SNRPN: variants seen among roughly 807,000 people sequenced by gnomAD.
The protein encoded by SNRPN is small nuclear ribonucleoprotein polypeptide N.
Under a neutral mutation model 25.2 loss-of-function variants are expected in SNRPN, and 7 were observed. That is an observed-to-expected ratio of 0.28 (90% CI 0.16 to 0.52). The LOEUF (loss-of-function observed/expected upper bound fraction) is 0.52. Among genes scored for constraint, SNRPN ranks in the 20% least tolerant of loss-of-function variants. The pLI is 0.96. For synonymous variants in SNRPN, 124 were observed against 110.6 expected (o/e 1.12, Z -0.76); for missense variants, 196 against 322.5 (o/e 0.61, Z 3.00).
chr15:24,861,978 A>T (rs998357887), intron 1 of SNRPN, among the ~76,000 whole-genome samples: 2 of 145,112 alleles, frequency 1.4e-5, no homozygotes, highest in African/African-American at 2.8e-5. Flanking sequence ...AACATTTCTT[A>T]AAAAAGAGGC....
upstream of SNRPN, among the ~76,000 whole-genome samples, chr15:24,852,642 C>T (rs565646273): frequency 1.8e-4 from 28 of 152,236 alleles, no homozygotes; most frequent in Non-Finnish European, 2.6e-4. Context: ...TAGGGCTGGA[C>T]GCAGTGGCTT....
intron 1 of SNRPN, among the ~76,000 whole-genome samples, chr15:24,865,118 C>G (rs187965270): frequency 2.5e-4 from 37 of 150,142 alleles, no homozygotes; most frequent in South Asian, 4.2e-4. Context: ...ACCATCGTGG[C>G]TCACTGCAAC....
At chr15:24,864,447 G>A (rs1388570006) in intron 1 of SNRPN, among the ~76,000 whole-genome samples, 9 of 137,086 alleles carry the variant, frequency 6.6e-5, no homozygotes, top group African/African-American at 8.2e-5. Flanking sequence ...GGGTTCAAGC[G>A]ATTCTCCTGC....
intron 3 of SNRPN, chr15:24,968,290 C>T (rs973314333): frequency 1.0e-5 from 4 of 397,768 alleles, no homozygotes; most frequent in Admixed American, 4.1e-5. Flanking sequence ...GTTATTGTAG[C>T]GCATGCTTTT....
chr15:24,963,522 G>A (rs895508881), intron 2 of SNRPN, among the ~76,000 whole-genome samples: 1 of 151,952 alleles, frequency 6.6e-6, no homozygotes, highest in Non-Finnish European at 1.5e-5. Flanking sequence ...GGCTGAGGCA[G>A]GAGAATTGTT....
At chr15:24,840,106 C>T (rs971061348) in intron 2 of SNRPN, among the ~76,000 whole-genome samples, 33 of 152,116 alleles carry the variant, frequency 2.2e-4, no homozygotes, top group Non-Finnish European at 4.0e-4. Flanking sequence ...GCCTGTAATC[C>T]CAGCAGTTTG....
chr15:24,870,098 T>C (rs1017830881), intron 1 of SNRPN, among the ~76,000 whole-genome samples: 3 of 152,190 alleles, frequency 2.0e-5, no homozygotes, highest in Non-Finnish European at 4.4e-5. Context: ...GGTTAGATTT[T>C]GCTTGTTTGG....
intron 1 of SNRPN, among the ~76,000 whole-genome samples, chr15:24,877,777 G>A (rs1168436853): frequency 1.3e-5 from 2 of 152,182 alleles, no homozygotes; most frequent in African/African-American, 4.8e-5. Context: ...GCTTGAACCC[G>A]GGAGGAGGAT....
chr15:24,876,283 T>C (rs1200164473), intron 1 of SNRPN, among the ~76,000 whole-genome samples: 2 of 151,928 alleles, frequency 1.3e-5, no homozygotes, highest in African/African-American at 4.8e-5. Flanking sequence ...AAAGCACAAG[T>C]CAAGCAGACG....
chr15:24,858,132 A>G (rs989740425), intron 1 of SNRPN, among the ~76,000 whole-genome samples: 1 of 152,162 alleles, frequency 6.6e-6, no homozygotes, highest in Non-Finnish European at 1.5e-5. Flanking sequence ...GGCAGTTTAG[A>G]GTCCTGCAGT....
chr15:24,888,753 A>G (rs1029140608), intron 2 of SNRPN, among the ~76,000 whole-genome samples: 2 of 152,140 alleles, frequency 1.3e-5, no homozygotes, highest in Admixed American at 6.6e-5. Context: ...GCCTGGCACA[A>G]TTAACCTAGT....
At chr15:24,874,193 C>G (rs936080932) in intron 1 of SNRPN, among the ~76,000 whole-genome samples, 1 of 151,014 alleles carries the variant, frequency 6.6e-6, no homozygotes, top group African/African-American at 2.4e-5. Context: ...GCCTGTAGTC[C>G]CAGCTACTTG....
chr15:24,888,111 A>AATTTTTT, intron 2 of SNRPN, among the ~76,000 whole-genome samples: 1 of 121,520 alleles, frequency 8.2e-6, no homozygotes, highest in African/African-American at 2.8e-5. Flanking sequence ...ATTAGAAATG[A>AATTTTTT]CTTTTTTTTT....
chr15:24,890,686 A>C (rs1246605450), intron 2 of SNRPN, among the ~76,000 whole-genome samples: 1 of 152,166 alleles, frequency 6.6e-6, no homozygotes, highest in Non-Finnish European at 1.5e-5. Flanking sequence ...CTCAAAAAAC[A>C]AAAACAAAAA....
rs994072177 is a variant in SNRPN, at chr15:24,883,434, G to T, written c.-578-3082G>T. On this transcript the variant is annotated intron_variant, in intron 1 of 11. Transcript: ENST00000400097. ...GGGGCTGAAGCTGGGCACACCCACT[G>T]GGTGGCTCAGGGCCAGTTTTATAAT... is the stretch of plus-strand genomic sequence containing the variant. Among the ~76,000 whole-genome samples the T allele has an allele frequency of 2.6e-5, 4 of 151,678 alleles. No homozygotes were observed. In the South Asian group the frequency reaches 8.4e-4, roughly 32 times the overall value.
chr15:24,977,042 C>A lies in SNRPN; in HGVS notation c.420+13C>A. ...ACCATCCCAGCAGGTGAGGAACCAG[C>A]AGAGGGTTTTATATTATTGGGAGAA... On this transcript the variant is annotated intron_variant, in intron 7 of 9. Transcript: ENST00000390687. 1 of 1,549,384 alleles carries A rather than the reference C, an allele frequency of 6.5e-7. No individual in the cohort carries two copies. The highest frequency in any genetic ancestry group is 8.7e-7 in the Non-Finnish European group (1 of 1,152,104).
rs541334217 is a variant in SNRPN at position 24,966,863 on chromosome 15, T to C, written c.-294-1069T>C. Among the ~76,000 whole-genome samples the C allele has an allele frequency of 2.0e-5, 3 of 152,308 alleles. No individual in the cohort carries two copies. In the East Asian group the frequency reaches 5.8e-4, roughly 29 times the overall value. Reference sequence around the variant, plus strand: ...CCCAGCTCCTCACCTCAAGGCAAGCTGTCATTTCCTGTATGTCTTCCTTCT... The same window carrying C: ...CCCAGCTCCTCACCTCAAGGCAAGCCGTCATTTCCTGTATGTCTTCCTTCT... On this transcript the variant is annotated intron_variant, in intron 2 of 9. Coordinates refer to ENST00000390687, the MANE Select transcript of SNRPN (RefSeq NM_003097.6).
Position 24,858,057 on chromosome 15 carries a change from T to C in SNRPN, c.-579+1341T>C, listed in dbSNP as rs545403231. 5.9e-5 allele frequency among the ~76,000 whole-genome samples: 9 copies of C among 152,242 alleles called. 1 individual carries two copies. The South Asian group carries it at 1.9e-3, about 32-fold the overall frequency. The stretch of plus-strand genomic sequence containing the variant: ...GATCCATCGGGAGCAGGGCCTGCAA[T>C]AGATCTCAAGCACTGACTGAGCTTA... On this transcript the variant is annotated intron_variant, in intron 1 of 11. Transcript: ENST00000400097.
At chr15:24,893,293 T>C (rs1318916132) in intron 2 of SNRPN, among the ~76,000 whole-genome samples, 2 of 151,708 alleles carry the variant, frequency 1.3e-5, no homozygotes, top group African/African-American at 4.8e-5. Flanking sequence ...AGCTTCCCAT[T>C]AGGCCAACTA....
Sources: gnomAD v4.1 joint callset for allele counts (sites outside exome capture counted in the v4.1 genomes callset) on GRCh38, gnomAD v4.1.1 for gene constraint, MANE v1.5 for transcripts, NCBI Gene and HGNC (gene_info 2026-07-23, HGNC 2026-07-21) for gene names.